The following NAAA variants were observed in gnomAD, a reference collection of about 807,000 sequenced individuals.
The protein encoded by NAAA is N-acylethanolamine acid amidase.
In NAAA, 39 loss-of-function variants were observed where a neutral mutation model predicts 44.8. That is an observed-to-expected ratio of 0.87 (90% CI 0.67 to 1.14). The LOEUF (loss-of-function observed/expected upper bound fraction) is 1.14, where lower values mean the gene tolerates loss of function less well. NAAA is among the 50% of genes most tolerant of loss of function. The pLI, the probability that NAAA is intolerant of heterozygous loss-of-function variation, is 0.00. For missense variants in NAAA, 460 were observed against 467.8 expected (o/e 0.98, Z 0.15); for synonymous variants, 178 against 191.3 (o/e 0.93, Z 0.58).
At position 75,914,282 on chromosome 4, in the gene NAAA, C is replaced by G; in HGVS notation, c.*93G>C. The G allele has an allele frequency of 5.1e-6, 5 of 985,300 alleles. No homozygotes were observed. The highest frequency in any genetic ancestry group is 6.0e-6 in the Non-Finnish European group (5 of 829,694). 61.0% of individuals were successfully genotyped at this position (985,300 alleles called of 1,614,324 possible). The stretch of plus-strand genomic sequence containing the variant: ...TTTGTAACATAATACAATACTTTCA[C>G]TTTGTCTTATTTTTTAAGGTGCAGC... On this transcript the variant is annotated 3_prime_UTR_variant, in exon 11 of 11. Transcript: ENST00000286733.
intron 9 of NAAA, chr4:75,917,560 G>T: frequency 5.6e-6 from 1 of 178,298 alleles, no homozygotes; most frequent in Non-Finnish European, 1.2e-5. Flanking sequence ...CGACTTCCCA[G>T]GTTCAAGCAA....
At chr4:75,936,511 C>T (rs1210746830) in intron 2 of NAAA, among the ~76,000 whole-genome samples, 1 of 152,154 alleles carries the variant, frequency 6.6e-6, no homozygotes, top group Non-Finnish European at 1.5e-5. Flanking sequence ...GAATTTCATC[C>T]TCAGTCTAAA....
intron 5 of NAAA, among the ~76,000 whole-genome samples, chr4:75,922,209 A>C (rs545079435): frequency 1.3e-5 from 2 of 152,102 alleles, no homozygotes; most frequent in African/African-American, 4.8e-5. Flanking sequence ...TAAGGCAAGA[A>C]AACTCTACAA....
At chr4:75,939,572 C>T (rs1170744307) in intron 2 of NAAA, among the ~76,000 whole-genome samples, 1 of 151,956 alleles carries the variant, frequency 6.6e-6, no homozygotes, top group Non-Finnish European at 1.5e-5. Flanking sequence ...CCCACCACCA[C>T]GCCTGGCTAA....
At chr4:75,911,037 A>C (rs981576874), downstream of NAAA, among the ~76,000 whole-genome samples, 3 of 152,184 alleles carry the variant, frequency 2.0e-5, no homozygotes, top group African/African-American at 7.2e-5. Context: ...AGGATATTAC[A>C]AAGTACCTTC....
chr4:75,940,148 C>T lies in NAAA; in HGVS notation c.224G>A (p.Trp75Ter). 1.2e-6 allele frequency: 2 copies of T among 1,613,814 alleles called. No homozygotes were observed. The highest frequency in any genetic ancestry group is 8.5e-7 in the Non-Finnish European group (1 of 1,179,822). Residue 75 changes from tryptophan to a stop codon, truncating the protein, a stop_gained, in exon 2 of 11, where the codon TGG becomes TAG. Transcript: ENST00000286733. LOFTEE classifies it high-confidence loss of function. The stretch of plus-strand genomic sequence containing the variant: ...CACTTTTCCGATTAACACGTGCACC[C>T]ACTTGGGGACTCTGTCCCTAGAAAC... Reference protein sequence around the residue: ...AQVIGDRVPKWVHVLIGKVVL... With the variant: ...AQVIGDRVPK
rs10017825 is a variant in NAAA, at chr4:75,926,493, G to A, written c.590-682C>T. Among the ~76,000 whole-genome samples the A allele has an allele frequency of 3.1e-3, 467 of 150,264 alleles. 2 individuals carry two copies. The highest frequency in any genetic ancestry group is 0.011 in the African/African-American group (433 of 40,712). On this transcript the variant is annotated intron_variant, in intron 4 of 10. Transcript: ENST00000286733. ...GGAGAATTGCTTGAACCTGGGAGGCGGAGGTTGCAGTGAGCCAAGATCAGG... is the reference window on the plus strand; with the variant it reads ...GGAGAATTGCTTGAACCTGGGAGGCAGAGGTTGCAGTGAGCCAAGATCAGG...
chr4:75,921,059 G>A lies in NAAA; in HGVS notation c.731C>T (p.Ala244Val), dbSNP rs374939234. The A allele has an allele frequency of 1.9e-6, 3 of 1,602,262 alleles. No homozygotes were observed. Among genetic ancestry groups the A allele is most frequent in the Middle Eastern group, 1.7e-4 (1 of 6,040 alleles). The change falls in exon 6 of 11, where the codon GCT (alanine) becomes GTT (valine). Residue 244 changes from alanine to valine, a missense_variant. Physicochemically the swap from Ala to Val is moderately conservative, Grantham distance 64. Coordinates refer to ENST00000286733, the MANE Select transcript of NAAA (RefSeq NM_014435.4). ...VGKLAKTPLI[A>V]DVYYIVGGTS... Reference sequence around the variant, plus strand: ...GCCACCAACAATGTAATAAACATCAGCAATAAGGGGAGTCTTGGCCAACTT... The same window carrying A: ...GCCACCAACAATGTAATAAACATCAACAATAAGGGGAGTCTTGGCCAACTT...
chr4:75,937,448 C>T (rs534827813), intron 2 of NAAA, among the ~76,000 whole-genome samples: 6 of 151,924 alleles, frequency 3.9e-5, no homozygotes, highest in Admixed American at 6.6e-5. Flanking sequence ...AAAATAAAGA[C>T]GGAAACTTGG....
intron 9 of NAAA, chr4:75,917,183 C>G: frequency 1.4e-6 from 1 of 709,410 alleles, no homozygotes; most frequent in Non-Finnish European, 1.7e-6. Flanking sequence ...CAACATTGTG[C>G]CCCGCTATGA....
chr4:75,929,836 TC>T (rs1727070970), intron 4 of NAAA, among the ~76,000 whole-genome samples: 1 of 152,156 alleles, frequency 6.6e-6, no homozygotes, highest in Non-Finnish European at 1.5e-5. Context: ...ACGCCTGTAA[TC>T]CCAGCACTTT....
intron 4 of NAAA, among the ~76,000 whole-genome samples, chr4:75,927,642 C>G (rs116386503): frequency 4.3e-5 from 5 of 116,474 alleles, no homozygotes; most frequent in Non-Finnish European, 9.0e-5. Context: ...TGCCCCCCCC[C>G]CCCCCGCCAA....
intron 4 of NAAA, among the ~76,000 whole-genome samples, chr4:75,929,643 G>C (rs1008510114): frequency 6.6e-6 from 1 of 152,096 alleles, no homozygotes; most frequent in African/African-American, 2.4e-5. Flanking sequence ...GCTGTGGTTT[G>C]GGTACCACAG....
chr4:75,940,286 G>T, intron 1 of NAAA, 121 bp from the exon 2 acceptor site: 1 of 1,076,382 alleles, frequency 9.3e-7, no homozygotes, highest in Non-Finnish European at 1.3e-6. Context: ...CTGCTCCCCA[G>T]TCAGTGGACC....
intron 2 of NAAA, 166 bp downstream of exon 2, chr4:75,939,835 G>GTGC (rs1195856005): frequency 1.4e-6 from 1 of 696,100 alleles, no homozygotes; most frequent in Non-Finnish European, 2.4e-6. Flanking sequence ...AGCCTACGAT[G>GTGC]TGCAGCTCAG....
chr4:75,918,655 A>G (rs1353813817), intron 9 of NAAA, 106 bp downstream of exon 9: 21 of 1,214,224 alleles, frequency 1.7e-5, no homozygotes, highest in Non-Finnish European at 2.4e-5. Context: ...GTGCCCCCAC[A>G]GCCTGGTTAC....
Position 75,914,279 on chromosome 4 carries a change from T to G in NAAA, c.*96A>C, listed in dbSNP as rs957634575. ...TTGTTTGTAACATAATACAATACTTTCACTTTGTCTTATTTTTTAAGGTGC... is the reference window on the plus strand; with the variant it reads ...TTGTTTGTAACATAATACAATACTTGCACTTTGTCTTATTTTTTAAGGTGC... On this transcript the variant is annotated 3_prime_UTR_variant, in exon 11 of 11. Transcript: ENST00000286733. The G allele has an allele frequency of 3.0e-6, 3 of 985,624 alleles. No individual in the cohort carries two copies. Among genetic ancestry groups the G allele is most frequent in the Non-Finnish European group, 3.6e-6 (3 of 829,708 alleles). 61.1% of individuals were successfully genotyped at this position (985,624 alleles called of 1,614,324 possible).
chr4:75,922,822 T>A (rs1726298630), intron 5 of NAAA, among the ~76,000 whole-genome samples: 1 of 152,234 alleles, frequency 6.6e-6, no homozygotes, highest in South Asian at 2.1e-4. Context: ...ATTTGTTTGC[T>A]TATGTTGCCT....
At chr4:75,919,148 TCTC>T (rs1430898932) in intron 8 of NAAA, among the ~76,000 whole-genome samples, 1 of 152,052 alleles carries the variant, frequency 6.6e-6, no homozygotes, top group African/African-American at 2.4e-5. Flanking sequence ...GTCAACCGAT[TCTC>T]CTGCCTCGGC....
Sources: gnomAD v4.1 joint callset for allele counts (sites outside exome capture counted in the v4.1 genomes callset) on GRCh38, gnomAD v4.1.1 for gene constraint, MANE v1.5 for transcripts, NCBI Gene and HGNC (gene_info 2026-07-23, HGNC 2026-07-21) for gene names.